The following ANKDD1B variants were observed in gnomAD, a reference collection of about 807,000 sequenced individuals.
ANKDD1B encodes ankyrin repeat and death domain-containing protein 1B.
In ANKDD1B, 57 loss-of-function variants were observed where a neutral mutation model predicts 59.7. The observed-to-expected ratio is 0.95, with a 90% CI of 0.77 to 1.19. ANKDD1B has a LOEUF of 1.19. ANKDD1B is among the 50% of genes most tolerant of loss of function. The pLI is 0.00. For missense variants in ANKDD1B, 602 were observed against 641.9 expected, an observed-to-expected ratio of 0.94 and a Z score of 0.67; for synonymous variants, 216 against 239.5, an observed-to-expected ratio of 0.90 and a Z score of 0.91.
In ANKDD1B at chr5:75,611,763, G is replaced by C. The variant is rs1450647896; in HGVS notation, c.129G>C (p.Leu43=). ...WGAAALPWRS[L]SRIPKREGLG... ...CGGCCGCCCTGCCTTGGAGGAGCCT[G>C]TCCCGGATCCCGAAGCGGGAGGGTC... Residue 43 remains leucine (L), a synonymous_variant, in exon 1 of 14, where the codon CTG becomes CTC. Transcript: ENST00000601380. The C allele has an allele frequency of 5.7e-6, 7 of 1,231,886 alleles. No individual in the cohort carries two copies. Among genetic ancestry groups the C allele is most frequent in the Non-Finnish European group, 7.1e-6 (7 of 988,082 alleles). 76.3% of individuals were successfully genotyped at this position (1,231,886 alleles called of 1,614,324 possible). A position where few individuals can be genotyped will look rare whatever the true frequency, so the allele number is the denominator to read the frequency against.
At chr5:75,642,398 C>T (rs62366612) in intron 7 of ANKDD1B, among the ~76,000 whole-genome samples, 98 of 142,854 alleles carry the variant, frequency 6.9e-4, no homozygotes, top group South Asian at 1.4e-3. Flanking sequence ...GCGCACCGTG[C>T]GCGAGCCGAA....
chr5:75,656,307 T>C (rs183141167), intron 9 of ANKDD1B, among the ~76,000 whole-genome samples, 180 bp downstream of exon 9: 6 of 152,308 alleles, frequency 3.9e-5, no homozygotes, highest in Admixed American at 2.0e-4. Context: ...ACACATACTT[T>C]CGTCTTTCTC....
rs1162074918 is a variant in ANKDD1B at position 75,620,330 on chromosome 5, C to T, written c.313C>T (p.Leu105=). 1 of 1,529,624 alleles carries T rather than the reference C, an allele frequency of 6.5e-7. No homozygotes were observed. Among genetic ancestry groups the T allele is most frequent in the Non-Finnish European group, 8.8e-7 (1 of 1,141,236 alleles). The allele number at this position is 1,529,624 out of a possible 1,614,324, so 94.8% of individuals were successfully genotyped here. The stretch of plus-strand genomic sequence containing the variant: ...GCTTCCTCAGATGAACCGCACAGCC[C>T]TGCATTTTGCAGTGGGGAGAAATCA... The part of the protein sequence containing the change: ...NVVNNMNRTA[L]HFAVGRNHLS... The change falls in exon 3 of 14, where the codon CTG becomes TTG. Residue 105 remains leucine, a synonymous_variant. Coordinates refer to ENST00000601380, the MANE Select transcript of ANKDD1B (RefSeq NM_001276713.2).
At chr5:75,622,697 G>A (rs1693067108) in intron 3 of ANKDD1B, among the ~76,000 whole-genome samples, 1 of 152,224 alleles carries the variant, frequency 6.6e-6, no homozygotes, top group South Asian at 2.1e-4. Flanking sequence ...TGGCAATGAG[G>A]ACAGGTTATC....
At chr5:75,654,730 A>C (rs925035282) in intron 8 of ANKDD1B, among the ~76,000 whole-genome samples, 1 of 152,196 alleles carries the variant, frequency 6.6e-6, no homozygotes, top group Non-Finnish European at 1.5e-5. Context: ...TGTAATAAGC[A>C]CCACGATGAG....
chr5:75,653,216 C>T lies in ANKDD1B; in HGVS notation c.873C>T (p.Asn291=), dbSNP rs1046675751. 21 of 1,535,880 alleles carry T rather than the reference C, an allele frequency of 1.4e-5. No individual in the cohort carries two copies. Among genetic ancestry groups the T allele is most frequent in the South Asian group, 5.9e-5 (5 of 84,066 alleles). The change falls in exon 8 of 14, where the codon AAC becomes AAT. Residue 291 remains asparagine, a synonymous_variant. Transcript: ENST00000601380. ...ASLVNFLLSE[N]VDLHQKVEPK... is the part of the protein sequence containing the mutation. Reference sequence around the variant, plus strand: ...TTGTCAACTTTCTTCTCAGTGAGAACGTTGATCTGCACCAGAAAGTGGAAG... The same window carrying T: ...TTGTCAACTTTCTTCTCAGTGAGAATGTTGATCTGCACCAGAAAGTGGAAG...
chr5:75,669,330 C>T lies in ANKDD1B; in HGVS notation c.1472C>T (p.Pro491Leu), dbSNP rs1478684644. ...LHGTLMTQGDPAKQLYEELVH... is the reference protein window; with the variant it reads ...LHGTLMTQGDLAKQLYEELVH... The stretch of plus-strand genomic sequence containing the variant: ...GGGACCCTGATGACTCAGGGTGACC[C>T]GGCCAAGCAACTGTATGAAGAGCTG... Residue 491 changes from proline (P) to leucine (L), a missense_variant, in exon 13 of 14, where the codon CCG (proline) becomes CTG (leucine). By Grantham distance (98) the Pro-to-Leu change is moderately conservative. Around this residue, in one of 3 missense-constraint regions of ANKDD1B, gnomAD observed 280 missense variants for 319.8 expected, o/e 0.88. Transcript: ENST00000601380. 18 of 1,232,002 alleles carry T rather than the reference C, an allele frequency of 1.5e-5. No homozygotes were observed. Among genetic ancestry groups the T allele is most frequent in the African/African-American group, 3.1e-5 (2 of 64,412 alleles). The allele number at this position is 1,232,002 out of a possible 1,614,324, so 76.3% of individuals were successfully genotyped here.
At chr5:75,613,609 G>A (rs1454677003) in intron 1 of ANKDD1B, among the ~76,000 whole-genome samples, 1 of 152,184 alleles carries the variant, frequency 6.6e-6, no homozygotes, top group Non-Finnish European at 1.5e-5. Context: ...GGTAGTGGGA[G>A]GAAGTAAATT....
intron 7 of ANKDD1B, among the ~76,000 whole-genome samples, chr5:75,641,445 C>G (rs1018464729): frequency 1.3e-5 from 2 of 152,340 alleles, no homozygotes; most frequent in Non-Finnish European, 2.9e-5. Flanking sequence ...TCCAACCCCA[C>G]ATCGCAATTT....
intron 7 of ANKDD1B, among the ~76,000 whole-genome samples, chr5:75,644,093 G>A (rs1774567522): frequency 9.3e-6 from 1 of 107,350 alleles, no homozygotes; most frequent in Non-Finnish European, 1.7e-5. Context: ...AGCTCCTGAA[G>A]GAAGCGCTAA....
intron 2 of ANKDD1B, among the ~76,000 whole-genome samples, chr5:75,618,578 A>G (rs1773770867): frequency 1.3e-5 from 2 of 152,194 alleles, no homozygotes. Flanking sequence ...GTGATGATGG[A>G]GATTTTAAAA....
chr5:75,653,457 A>C (rs1266997736), intron 8 of ANKDD1B, among the ~76,000 whole-genome samples: 1 of 152,244 alleles, frequency 6.6e-6, no homozygotes, highest in African/African-American at 2.4e-5. Context: ...GTTCCTGAAC[A>C]AAATGAAATC....
intron 7 of ANKDD1B, among the ~76,000 whole-genome samples, chr5:75,650,841 A>T (rs926079275): frequency 6.6e-6 from 1 of 151,978 alleles, no homozygotes; most frequent in Non-Finnish European, 1.5e-5. Context: ...AGCTGAGAGG[A>T]TTCTTAGTTT....
intron 10 of ANKDD1B, among the ~76,000 whole-genome samples, chr5:75,660,775 T>C (rs1428538366): frequency 6.6e-6 from 1 of 152,212 alleles, no homozygotes; most frequent in Non-Finnish European, 1.5e-5. Context: ...GGAGAGATTC[T>C]GATGACATTG....
intron 7 of ANKDD1B, among the ~76,000 whole-genome samples, chr5:75,644,956 G>A (rs1433650936): frequency 1.3e-4 from 17 of 128,164 alleles, no homozygotes; most frequent in South Asian, 2.2e-4. Flanking sequence ...ACTCAAAGCC[G>A]CTCAACTACA....
intron 3 of ANKDD1B, among the ~76,000 whole-genome samples, chr5:75,622,701 G>A (rs1201181425): frequency 6.6e-6 from 1 of 152,232 alleles, no homozygotes; most frequent in Non-Finnish European, 1.5e-5. Context: ...AATGAGGACA[G>A]GTTATCAGTG....
At chr5:75,635,089 G>A in intron 6 of ANKDD1B, 93 bp downstream of exon 6, 1 of 803,880 alleles carries the variant, frequency 1.2e-6, no homozygotes, top group South Asian at 1.6e-5. Context: ...GATTTGGTGA[G>A]GGCGTTTTAG....
intron 11 of ANKDD1B, among the ~76,000 whole-genome samples, chr5:75,663,813 A>G (rs1309171155): frequency 6.6e-6 from 1 of 152,222 alleles, no homozygotes; most frequent in Admixed American, 6.5e-5. Context: ...CAGTCTGGCC[A>G]TGAGCTATTC....
At chr5:75,627,911 C>G (rs1302896761) in intron 5 of ANKDD1B, among the ~76,000 whole-genome samples, 1 of 152,158 alleles carries the variant, frequency 6.6e-6, no homozygotes, top group East Asian at 1.9e-4. Flanking sequence ...CTGGGCATGT[C>G]CTCTTCTCTC....
Sources: allele counts gnomAD v4.1 joint callset (sites outside exome capture counted in the v4.1 genomes callset), GRCh38; gene constraint gnomAD v4.1.1; regional missense constraint gnomAD v4.1.1; transcripts MANE v1.5; gene names NCBI Gene and HGNC (gene_info 2026-07-23, HGNC 2026-07-21).